RNPEP: variants seen among roughly 807,000 people sequenced by gnomAD.
RNPEP encodes arginyl aminopeptidase.
RNPEP carries 57 observed loss-of-function variants against 70.1 expected under a neutral mutation model. That is an observed-to-expected ratio of 0.81 (90% CI 0.66 to 1.01). The LOEUF is 1.01. RNPEP is among the 50% of genes least tolerant of loss of function. The pLI, the probability that RNPEP is intolerant of heterozygous loss-of-function variation, is 0.00. For synonymous variants in RNPEP, 335 were observed against 357.4 expected (o/e 0.94, Z 0.71); for missense variants, 787 against 852.4 (o/e 0.92, Z 0.96).
chr1:201,987,499 A>G (rs1357635524), intron 1 of RNPEP, among the ~76,000 whole-genome samples: 5 of 140,572 alleles, frequency 3.6e-5, no homozygotes, highest in Non-Finnish European at 7.5e-5. Context: ...GTGCAGTGGC[A>G]TGATCTCAGC....
At chr1:201,994,078 C>T (rs1391533108) in intron 3 of RNPEP, among the ~76,000 whole-genome samples, 3 of 152,170 alleles carry the variant, frequency 2.0e-5, no homozygotes, top group Non-Finnish European at 2.9e-5. Flanking sequence ...CCCATTGACC[C>T]TCCTCTGGCT....
At chr1:201,985,673 A>T (rs117262471) in intron 1 of RNPEP, among the ~76,000 whole-genome samples, 2 of 152,180 alleles carry the variant, frequency 1.3e-5, no homozygotes, top group African/African-American at 4.8e-5. Context: ...CATTTGTTAC[A>T]ATTAAACAAT....
At position 202,001,432 on chromosome 1, in the gene RNPEP, G is replaced by C. The variant is rs774786362; in HGVS notation, c.1261G>C (p.Val421Leu). The C allele has an allele frequency of 5.9e-5, 95 of 1,613,904 alleles. No individual in the cohort carries two copies. The highest frequency in any genetic ancestry group is 8.1e-5 in the Non-Finnish European group (95 of 1,179,886). ...ETPYEKGFCFVSYLAHLVGDQ... is the reference protein window; with the variant it reads ...ETPYEKGFCFLSYLAHLVGDQ... ...CCCCTACGAGAAAGGTTTCTGCTTT[G>C]TTTCATACCTGGCCCACTTGGTGGG... The change falls in exon 7 of 11, where the codon GTT (valine) becomes CTT (leucine). Residue 421 changes from valine (V) to leucine (L), a missense_variant. Transcript: ENST00000295640.
Position 201,982,927 on chromosome 1 carries a change from G to A in RNPEP, c.261G>A (p.Glu87=). Residue 87 remains glutamate (E), a synonymous_variant, in exon 1 of 11, where the codon GAG becomes GAA. Coordinates refer to ENST00000295640, the MANE Select transcript of RNPEP (RefSeq NM_020216.4). ...GGCTGGACTCGCACCCGTGCCTGGA[G>A]GTGACGGCGGCGGCGCTGCGGCGGG... ...ELRLDSHPCL[E]VTAAALRRER... is the part of the protein sequence containing the mutation. 1 of 1,486,628 alleles carries A rather than the reference G, an allele frequency of 6.7e-7. No individual in the cohort carries two copies. Among genetic ancestry groups the A allele is most frequent in the Non-Finnish European group, 8.9e-7 (1 of 1,121,768 alleles). The allele number at this position is 1,486,628 out of a possible 1,614,324, so 92.1% of individuals were successfully genotyped here.
Position 202,001,483 on chromosome 1 carries a change from C to T in RNPEP, c.1312C>T (p.Leu438Phe), listed in dbSNP as rs769815465. 4 of 1,606,204 alleles carry T rather than the reference C, an allele frequency of 2.5e-6. No individual in the cohort carries two copies. The highest frequency in any genetic ancestry group is 1.1e-5 in the South Asian group (1 of 90,920). Residue 438 changes from leucine to phenylalanine, a missense_variant, in exon 7 of 11, where the codon CTC becomes TTC. Leu to Phe is a conservative substitution (Grantham distance 22, BLOSUM62 0). Coordinates refer to ENST00000295640, the MANE Select transcript of RNPEP (RefSeq NM_020216.4). ...TGATCAGGATCAGTTTGACAGTTTT[C>T]TCAAGGTATAGTCACATGAGGGGAG... The part of the protein sequence containing the change: ...VGDQDQFDSF[L>F]KAYVHEFKFR...
At position 202,006,088 on chromosome 1, in the gene RNPEP, T is replaced by C. The variant is rs1684055793; in HGVS notation, c.*372T>C. On this transcript the variant is annotated 3_prime_UTR_variant, in exon 11 of 11. Coordinates refer to ENST00000295640, the MANE Select transcript of RNPEP (RefSeq NM_020216.4). Reference sequence around the variant, plus strand: ...TTTATGCAAAGGGCTGGCATTCTGATTGTTCTTTTTTCAGGTTTAATCCTT... The same window carrying C: ...TTTATGCAAAGGGCTGGCATTCTGACTGTTCTTTTTTCAGGTTTAATCCTT... 1 of 193,338 alleles carries C rather than the reference T, an allele frequency of 5.2e-6. No individual in the cohort carries two copies. Among genetic ancestry groups the C allele is most frequent in the Non-Finnish European group, 1.1e-5 (1 of 92,268 alleles). 12.0% of individuals were successfully genotyped at this position (193,338 alleles called of 1,614,324 possible). A position where few individuals can be genotyped will look rare whatever the true frequency, so the allele number is the denominator to read the frequency against.
intron 4 of RNPEP, 118 bp from the exon 5 acceptor site, chr1:201,997,201 A>T: frequency 1.3e-6 from 1 of 772,634 alleles, no homozygotes; most frequent in Non-Finnish European, 2.3e-6. Flanking sequence ...CCGAAGTCGT[A>T]CTCTGCCTGT....
chr1:202,001,136 C>T lies in RNPEP; in HGVS notation c.1205-240C>T, dbSNP rs1683783398. 1.2e-5 allele frequency: 6 copies of T among 511,984 alleles called. No individual in the cohort carries two copies. The East Asian group carries it at 2.0e-4, about 17-fold the overall frequency. 31.7% of individuals were successfully genotyped at this position (511,984 alleles called of 1,614,324 possible). ...ATCTTGGAAGTACCTTGAGAGAGGC[C>T]AATATCTGGAGAGAGATCTTGGCCT... is the stretch of plus-strand genomic sequence containing the variant. On this transcript the variant is annotated intron_variant, in intron 6 of 10. Coordinates refer to ENST00000295640, the MANE Select transcript of RNPEP (RefSeq NM_020216.4).
chr1:201,995,831 T>C (rs1683525058), intron 3 of RNPEP: 1 of 284,776 alleles, frequency 3.5e-6, no homozygotes, highest in African/African-American at 2.2e-5. Context: ...TCTTATTTAA[T>C]CTTCACTCAT....
At chr1:202,003,490 T>C in intron 9 of RNPEP, 29 bp downstream of exon 9, 1 of 1,491,038 alleles carries the variant, frequency 6.7e-7, no homozygotes. Flanking sequence ...CCAGGGCTCC[T>C]TGTGTGCACA....
At position 201,989,028 on chromosome 1, in the gene RNPEP, A is replaced by G. The variant is rs745564171; in HGVS notation, c.572A>G (p.Tyr191Cys). 5 of 1,614,126 alleles carry G rather than the reference A, an allele frequency of 3.1e-6. No homozygotes were observed. The highest frequency in any genetic ancestry group is 1.7e-6 in the Non-Finnish European group (2 of 1,180,010). ...GACACGCCTGCTGTTAAATACAAGTATTCAGCTCTTATTGAGGTAAGGAGA... is the reference window on the plus strand; with the variant it reads ...GACACGCCTGCTGTTAAATACAAGTGTTCAGCTCTTATTGAGGTAAGGAGA... ...CFDTPAVKYK[Y>C]SALIEVPDGF... Residue 191 changes from tyrosine (Y) to cysteine (C), a missense_variant, in exon 2 of 11, where the codon TAT becomes TGT. Tyr to Cys is a radical substitution (Grantham distance 194). Transcript: ENST00000295640.
At position 201,997,396 on chromosome 1, in the gene RNPEP, G is replaced by A. The variant is rs767027765; in HGVS notation, c.932G>A (p.Cys311Tyr). The A allele has an allele frequency of 1.2e-6, 2 of 1,614,106 alleles. No individual in the cohort carries two copies. Among genetic ancestry groups the A allele is most frequent in the Admixed American group, 3.3e-5 (2 of 60,006 alleles). The part of the protein sequence containing the change: ...ENPCLTFVTP[C>Y]LLAGDRSLAD... ...CCTTGTCTGACCTTTGTCACCCCCT[G>A]CCTGCTAGCTGGGGACCGCTCCTTG... Residue 311 changes from cysteine (C) to tyrosine (Y), a missense_variant, in exon 5 of 11, where the codon TGC (cysteine) becomes TAC (tyrosine). Physicochemically the swap from Cys to Tyr is radical, Grantham distance 194. Transcript: ENST00000295640.
chr1:202,000,343 A>G (rs1398088217), intron 6 of RNPEP: 1 of 211,714 alleles, frequency 4.7e-6, no homozygotes, highest in Non-Finnish European at 9.5e-6. Context: ...GAATAAAAGC[A>G]TTAGCCTTAT....
At chr1:201,991,963 G>A (rs1445895839) in intron 3 of RNPEP, among the ~76,000 whole-genome samples, 1 of 152,178 alleles carries the variant, frequency 6.6e-6, no homozygotes, top group African/African-American at 2.4e-5. Context: ...CATCTTTGGC[G>A]ACTTTTCTCT....
At chr1:201,985,234 A>G (rs1373360606) in intron 1 of RNPEP, among the ~76,000 whole-genome samples, 2 of 152,034 alleles carry the variant, frequency 1.3e-5, no homozygotes, top group African/African-American at 4.8e-5. Context: ...CTGATCAGTA[A>G]AAACATCACT....
At chr1:201,991,403 C>T (rs570365292) in intron 3 of RNPEP, among the ~76,000 whole-genome samples, 14 of 152,296 alleles carry the variant, frequency 9.2e-5, no homozygotes, top group African/African-American at 3.1e-4. Flanking sequence ...TGAGCCACCA[C>T]GCCGGGCCGT....
At chr1:201,993,695 T>C (rs112085804) in intron 3 of RNPEP, among the ~76,000 whole-genome samples, 3 of 149,654 alleles carry the variant, frequency 2.0e-5, no homozygotes, top group Non-Finnish European at 3.0e-5. Context: ...AGGAGAATGG[T>C]GTGAACCCGG....
At chr1:202,004,305 G>A in intron 9 of RNPEP, 49 bp from the exon 10 acceptor site, 1 of 1,607,442 alleles carries the variant, frequency 6.2e-7, no homozygotes, top group African/African-American at 1.3e-5. Context: ...TAGTATTACA[G>A]GTGTGACCCA....
chr1:201,998,297 A>G (rs1174260307), intron 5 of RNPEP, among the ~76,000 whole-genome samples: 2 of 146,846 alleles, frequency 1.4e-5, no homozygotes, highest in African/African-American at 5.1e-5. Context: ...CAGCGTTGCA[A>G]TCTCGGCTCA....
Sources: gnomAD v4.1 joint callset for allele counts (sites outside exome capture counted in the v4.1 genomes callset) on GRCh38, gnomAD v4.1.1 for gene constraint, MANE v1.5 for transcripts, NCBI Gene and HGNC (gene_info 2026-07-23, HGNC 2026-07-21) for gene names.